The following RPTOR variants were observed in gnomAD, a reference collection of about 807,000 sequenced individuals.
RPTOR encodes regulatory-associated protein of mTOR.
In RPTOR, 21 loss-of-function variants were observed where a neutral mutation model predicts 169.9. The observed-to-expected ratio is 0.12, with a 90% CI of 0.09 to 0.18. The LOEUF is 0.18. Ranked by LOEUF, RPTOR falls within the 10% of genes least tolerant of loss-of-function variation. The pLI, the probability that RPTOR is intolerant of heterozygous loss-of-function variation, is 1.00. For synonymous variants in RPTOR, 732 were observed against 753.2 expected (o/e 0.97, Z 0.46); for missense variants, 1,133 against 1,855.9 (o/e 0.61, Z 7.16).
intron 1 of RPTOR, chr17:80,602,789 G>C (rs2065199829): frequency 1.4e-6 from 1 of 703,342 alleles, no homozygotes; most frequent in Non-Finnish European, 2.6e-6. Context: ...GAATCTCTCT[G>C]AGTGCCCAAG....
intron 6 of RPTOR, among the ~76,000 whole-genome samples, chr17:80,756,693 A>C (rs957446125): frequency 6.6e-6 from 1 of 152,192 alleles, no homozygotes; most frequent in African/African-American, 2.4e-5. Flanking sequence ...GAGAGGTAGA[A>C]AAAACAGTCT....
chr17:80,922,689 G>A (rs777202896), intron 21 of RPTOR, 35 bp from the exon 22 acceptor site: 138 of 1,525,540 alleles, frequency 9.0e-5, no homozygotes, highest in South Asian at 1.5e-4. Flanking sequence ...AGCACGTCCC[G>A]TCTGACCTTC....
intron 25 of RPTOR, among the ~76,000 whole-genome samples, chr17:80,940,918 G>C (rs552094503): frequency 6.6e-6 from 1 of 152,208 alleles, no homozygotes. Flanking sequence ...CTCAGCCCTC[G>C]GGATTATCAG....
intron 21 of RPTOR, among the ~76,000 whole-genome samples, chr17:80,914,921 G>A (rs2068654803): frequency 6.6e-6 from 1 of 152,230 alleles, no homozygotes; most frequent in African/African-American, 2.4e-5. Context: ...GACCAGAATG[G>A]GAACTTTTAG....
chr17:80,878,738 T>C lies in RPTOR; in HGVS notation c.1510-1677T>C, dbSNP rs896852974. ...TAGTTTTGTTTCAAATCTTGCCCCT[T>C]TTCCTCGGGTTTTGGGCAAATACTT... On this transcript the variant is annotated intron_variant, in intron 13 of 33. Transcript: ENST00000306801. This position sits in a 1 kb window ranked among gnomAD's most constrained non-coding sequence, Gnocchi z 4.1. Among the ~76,000 whole-genome samples, 19 of 152,200 alleles carry C rather than the reference T, an allele frequency of 1.2e-4. No homozygotes were observed. The highest frequency in any genetic ancestry group is 4.1e-4 in the African/African-American group (17 of 41,452).
chr17:80,740,700 C>G (rs1169320681), intron 5 of RPTOR, among the ~76,000 whole-genome samples: 1 of 151,444 alleles, frequency 6.6e-6, no homozygotes, highest in African/African-American at 2.4e-5. Flanking sequence ...GCAGAAAACT[C>G]TTTCATGCGA....
Position 80,708,912 on chromosome 17 carries a change from G to GT in RPTOR, c.507+914dup. ...AGCCTCCTGGGCTTCTGCTTCCTTAGTGTGGACACCGCCTCCTGCCATCAT... is the reference window on the plus strand; with the variant it reads ...AGCCTCCTGGGCTTCTGCTTCCTTAGTTGTGGACACCGCCTCCTGCCATCAT... On this transcript the variant is annotated intron_variant, in intron 4 of 33. Coordinates refer to ENST00000306801, the MANE Select transcript of RPTOR (RefSeq NM_020761.3). This position sits in a 1 kb window ranked among gnomAD's most constrained non-coding sequence, Gnocchi z 4.2. 1 of 985,614 alleles carries GT rather than the reference G, an allele frequency of 1.0e-6. No individual in the cohort carries two copies. Among genetic ancestry groups the GT allele is most frequent in the Non-Finnish European group, 1.2e-6 (1 of 829,828 alleles). 61.1% of individuals were successfully genotyped at this position (985,614 alleles called of 1,614,324 possible).
At chr17:80,948,812 C>T (rs1161364158) in intron 27 of RPTOR, among the ~76,000 whole-genome samples, 1 of 152,120 alleles carries the variant, frequency 6.6e-6, no homozygotes, top group Admixed American at 6.5e-5. Flanking sequence ...ACACCCAGGC[C>T]GACCTCCCTG....
intron 10 of RPTOR, among the ~76,000 whole-genome samples, chr17:80,842,593 T>G (rs2067683365): frequency 6.6e-6 from 1 of 152,264 alleles, no homozygotes. Context: ...CTATGATGGT[T>G]CAGTATGAAA....
chr17:80,551,148 C>T lies in RPTOR; in HGVS notation c.162+5357C>T, dbSNP rs918277551. 3.9e-5 allele frequency among the ~76,000 whole-genome samples: 6 copies of T among 152,280 alleles called. No homozygotes were observed. The East Asian group carries it at 1.2e-3, about 29-fold the overall frequency. Reference sequence around the variant, plus strand: ...AAGTGATCCTCCCACCTCAGCCTCCCAGAGTGCTGGATTACAGGCGTGAGC... The same window carrying T: ...AAGTGATCCTCCCACCTCAGCCTCCTAGAGTGCTGGATTACAGGCGTGAGC... On this transcript the variant is annotated intron_variant, in intron 1 of 33. Transcript: ENST00000306801.
intron 3 of RPTOR, among the ~76,000 whole-genome samples, chr17:80,678,520 C>T (rs961866515): frequency 2.0e-5 from 3 of 152,162 alleles, no homozygotes; most frequent in Non-Finnish European, 2.9e-5. Flanking sequence ...ACCTAATGGT[C>T]GGGCATGTTG....
intron 17 of RPTOR, among the ~76,000 whole-genome samples, chr17:80,890,516 G>A (rs2068307988): frequency 6.6e-6 from 1 of 151,692 alleles, no homozygotes; most frequent in Non-Finnish European, 1.5e-5. Flanking sequence ...ACTGGGCCAT[G>A]GCCCTTGGTG....
At chr17:80,606,370 C>T (rs1456959107) in intron 1 of RPTOR, among the ~76,000 whole-genome samples, 2 of 150,370 alleles carry the variant, frequency 1.3e-5, no homozygotes, top group Non-Finnish European at 3.0e-5. Context: ...TCTATCATGC[C>T]CTGCTAATTT....
Position 80,964,439 on chromosome 17 carries a change from G to A in RPTOR, c.*109G>A. The A allele has an allele frequency of 9.1e-7, 1 of 1,095,246 alleles. No individual in the cohort carries two copies. The highest frequency in any genetic ancestry group is 1.4e-6 in the Non-Finnish European group (1 of 729,536). The allele number at this position is 1,095,246 out of a possible 1,614,324, so 67.8% of individuals were successfully genotyped here. On this transcript the variant is annotated 3_prime_UTR_variant, in exon 34 of 34. Transcript: ENST00000306801. ...CTGCGGCCCCGCAGTGTGAACGTTGGCTGCTGCCTTAGCTGCTGATGACGG... is the reference window on the plus strand; with the variant it reads ...CTGCGGCCCCGCAGTGTGAACGTTGACTGCTGCCTTAGCTGCTGATGACGG...
chr17:80,862,086 G>T (rs2067923201), intron 13 of RPTOR, among the ~76,000 whole-genome samples: 1 of 152,102 alleles, frequency 6.6e-6, no homozygotes. Context: ...CAGGGCCTCG[G>T]GTTTATTATT....
chr17:80,857,982 G>A (rs1426780324), intron 13 of RPTOR, 82 bp downstream of exon 13: 2 of 1,098,584 alleles, frequency 1.8e-6, no homozygotes, highest in Non-Finnish European at 2.7e-6. Flanking sequence ...TTTCCAGCCT[G>A]CCCTTTCTCC....
At position 80,663,428 on chromosome 17, in the gene RPTOR, C is replaced by T. The variant is rs2065739625; in HGVS notation, c.348+19618C>T. 3.3e-5 allele frequency among the ~76,000 whole-genome samples: 5 copies of T among 151,938 alleles called. No individual in the cohort carries two copies. The South Asian group carries it at 1.0e-3, about 31-fold the overall frequency. Reference sequence around the variant, plus strand: ...TTTCTTTGCAAAGCCAGGCAATCTGCAGAGGAATCTTTATTTACAGTTTCC... The same window carrying T: ...TTTCTTTGCAAAGCCAGGCAATCTGTAGAGGAATCTTTATTTACAGTTTCC... On this transcript the variant is annotated intron_variant, in intron 3 of 33. Transcript: ENST00000306801.
At chr17:80,611,867 G>C (rs1056246967) in intron 1 of RPTOR, among the ~76,000 whole-genome samples, 2 of 151,830 alleles carry the variant, frequency 1.3e-5, no homozygotes, top group African/African-American at 4.8e-5. Flanking sequence ...TCTTGTGGAA[G>C]GGTCCTGCTG....
At chr17:80,672,097 C>T (rs539419779) in intron 3 of RPTOR, among the ~76,000 whole-genome samples, 3 of 152,234 alleles carry the variant, frequency 2.0e-5, no homozygotes, top group African/African-American at 4.8e-5. Flanking sequence ...TACTATATTA[C>T]GAAGTGTTCT....
Sources: gnomAD v4.1 joint callset for allele counts (sites outside exome capture counted in the v4.1 genomes callset) on GRCh38, gnomAD v4.1.1 for gene constraint, Gnocchi (gnomAD v3.1) non-coding constraint, MANE v1.5 for transcripts, NCBI Gene and HGNC (gene_info 2026-07-23, HGNC 2026-07-21) for gene names.